The following CD36 variants were observed in gnomAD, a reference collection of about 807,000 sequenced individuals.
CD36 encodes CD36 molecule (CD36 blood group).
A neutral mutation model predicts 55.2 loss-of-function variants in CD36; 119 were observed. That is an observed-to-expected ratio of 2.15 (90% confidence interval 1.86 to 2.51). The LOEUF is 2.51. Ranked by LOEUF, CD36 falls within the 30% of genes most tolerant of loss-of-function variation. The pLI is 0.00. For synonymous variants in CD36, 186 were observed against 193.6 expected (o/e 0.96, Z 0.33); for missense variants, 819 against 555.5 (o/e 1.47, Z -4.77).
Position 80,674,101 on chromosome 7 carries a change from C to T in CD36, c.1373C>T (p.Ala458Val), listed in dbSNP as rs866158583. The T allele has an allele frequency of 6.2e-7, 1 of 1,611,966 alleles. No homozygotes were observed. The highest frequency in any genetic ancestry group is 2.2e-5 in the East Asian group (1 of 44,724). ...LLSVGVVMFV[A>V]FMISYCACRS... The stretch of plus-strand genomic sequence containing the variant: ...AGTGTTGGTGTGGTGATGTTTGTTG[C>T]TTTTATGATTTCATATTGTGCATGC... Residue 458 changes from alanine to valine, a missense_variant, in exon 14 of 15, where the codon GCT (alanine) becomes GTT (valine). By Grantham distance (64) the Ala-to-Val change is moderately conservative. Coordinates refer to ENST00000447544, the MANE Select transcript of CD36 (RefSeq NM_001001548.3).
chr7:80,629,942 T>A (rs1793980410), intron 1 of CD36, among the ~76,000 whole-genome samples: 1 of 151,744 alleles, frequency 6.6e-6, no homozygotes, highest in African/African-American at 2.4e-5. Flanking sequence ...TCTAGGTAAT[T>A]AATTTGCATC....
At chr7:80,619,287 T>C (rs952075272) in intron 1 of CD36, among the ~76,000 whole-genome samples, 1 of 152,216 alleles carries the variant, frequency 6.6e-6, no homozygotes. Flanking sequence ...CAGCTGGTCA[T>C]CTGAGAGCTT....
At position 80,672,004 on chromosome 7, in the gene CD36, T is replaced by C. The variant is rs2116872430; in HGVS notation, c.1089T>C (p.Asn363=). The C allele has an allele frequency of 6.2e-7, 1 of 1,608,850 alleles. No individual in the cohort carries two copies. The highest frequency in any genetic ancestry group is 2.2e-5 in the East Asian group (1 of 44,656). ...VSEPIDGLNP[N]EEEHRTYLDI... ...AACCTATTGATGGATTAAACCCAAATGAAGAAGAACATAGGACATACTTGG... is the reference window on the plus strand; with the variant it reads ...AACCTATTGATGGATTAAACCCAAACGAAGAAGAACATAGGACATACTTGG... The change falls in exon 11 of 15, where the codon AAT becomes AAC. Residue 363 remains asparagine (N), a synonymous_variant. Transcript: ENST00000447544.
chr7:80,614,785 C>T (rs1793057860), intron 1 of CD36, among the ~76,000 whole-genome samples: 1 of 152,058 alleles, frequency 6.6e-6, no homozygotes, highest in Non-Finnish European at 1.5e-5. Flanking sequence ...ACTGTGGGTG[C>T]CCTTGTTATT....
intron 1 of CD36, among the ~76,000 whole-genome samples, chr7:80,610,399 C>T (rs1172542656): frequency 6.6e-6 from 1 of 151,914 alleles, no homozygotes; most frequent in African/African-American, 2.4e-5. Context: ...ATTTAGCTTC[C>T]TAATATTATG....
chr7:80,623,393 T>C (rs907711620), intron 1 of CD36, among the ~76,000 whole-genome samples: 5 of 152,232 alleles, frequency 3.3e-5, no homozygotes, highest in Non-Finnish European at 7.3e-5. Context: ...GTGATAAATA[T>C]TAATTCAGTA....
intron 7 of CD36, 97 bp from the exon 8 acceptor site, chr7:80,666,346 C>G: frequency 1.2e-6 from 1 of 800,668 alleles, no homozygotes; most frequent in Admixed American, 1.9e-5. Context: ...TTAAATGCAT[C>G]ATATTAACAG....
chr7:80,617,220 G>C (rs1441732610), intron 1 of CD36, among the ~76,000 whole-genome samples: 1 of 151,994 alleles, frequency 6.6e-6, no homozygotes. Flanking sequence ...CAACACACAT[G>C]GGGGCCTTTC....
chr7:80,656,424 A>G lies in CD36; in HGVS notation c.121-116A>G, dbSNP rs931576781. Reference sequence around the variant, plus strand: ...GGTAAGGTTGCAAAGGTTCTCATGAATGAGGTACTTGGGCTTGGTCCTTTT... The same window carrying G: ...GGTAAGGTTGCAAAGGTTCTCATGAGTGAGGTACTTGGGCTTGGTCCTTTT... On this transcript the variant is annotated intron_variant, in intron 3 of 14. Coordinates refer to ENST00000447544, the MANE Select transcript of CD36 (RefSeq NM_001001548.3). 54 of 811,848 alleles carry G rather than the reference A, an allele frequency of 6.7e-5. No homozygotes were observed. The Admixed American group carries it at 1.1e-3, about 17-fold the overall frequency. 50.3% of individuals were successfully genotyped at this position (811,848 alleles called of 1,614,324 possible).
At chr7:80,606,265 G>A (rs1234400435) in intron 1 of CD36, among the ~76,000 whole-genome samples, 2 of 151,356 alleles carry the variant, frequency 1.3e-5, no homozygotes, top group Non-Finnish European at 2.9e-5. Flanking sequence ...ATAATACGTA[G>A]ATCTGTGCAA....
intron 9 of CD36, 41 bp downstream of exon 9, chr7:80,670,063 C>T (rs773664438): frequency 7.3e-6 from 9 of 1,237,586 alleles, no homozygotes; most frequent in Non-Finnish European, 1.1e-5. Context: ...TGAGTCAGAC[C>T]CCAGGTGACA....
chr7:80,612,170 T>A (rs1357295403), intron 1 of CD36, among the ~76,000 whole-genome samples: 1 of 152,220 alleles, frequency 6.6e-6, no homozygotes, highest in African/African-American at 2.4e-5. Context: ...CAATTTCCAC[T>A]ACTTTGATGA....
At chr7:80,606,617 T>C (rs1182602827) in intron 1 of CD36, among the ~76,000 whole-genome samples, 2 of 152,186 alleles carry the variant, frequency 1.3e-5, no homozygotes, top group Non-Finnish European at 2.9e-5. Flanking sequence ...CTTTGCCGCA[T>C]GTACTGAGTT....
At chr7:80,612,295 A>T (rs1792916432) in intron 1 of CD36, among the ~76,000 whole-genome samples, 1 of 152,208 alleles carries the variant, frequency 6.6e-6, no homozygotes, top group Non-Finnish European at 1.5e-5. Context: ...GAAAAATCAC[A>T]GGAGATCAGT....
intron 1 of CD36, among the ~76,000 whole-genome samples, chr7:80,631,054 C>T (rs532623894): frequency 1.3e-5 from 2 of 152,070 alleles, no homozygotes; most frequent in African/African-American, 2.4e-5. Flanking sequence ...ACATCGTGTC[C>T]GAGAAGTCTC....
intron 1 of CD36, among the ~76,000 whole-genome samples, chr7:80,604,358 T>A: frequency 1.5e-5 from 1 of 67,190 alleles, no homozygotes; most frequent in Admixed American, 1.4e-4. Flanking sequence ...GAATTTTTTT[T>A]TTTTTTTTTT....
At position 80,664,315 on chromosome 7, in the gene CD36, A is replaced by G. The variant is rs2116716780; in HGVS notation, c.610-91A>G. The G allele has an allele frequency of 2.1e-5, 16 of 761,136 alleles. No homozygotes were observed. The South Asian group carries it at 2.2e-4, about 11-fold the overall frequency. 47.1% of individuals were successfully genotyped at this position (761,136 alleles called of 1,614,324 possible). A position where few individuals can be genotyped will look rare whatever the true frequency, so the allele number is the denominator to read the frequency against. On this transcript the variant is annotated intron_variant, in intron 6 of 14. Coordinates refer to ENST00000447544, the MANE Select transcript of CD36 (RefSeq NM_001001548.3). ...TGTATTTCAAGTCATTTGAGTAACC[A>G]GTGATTGAGAAATGTGAAAGTGAGT...
intron 5 of CD36, 127 bp from the exon 6 acceptor site, chr7:80,662,863 T>A (rs1174988338): frequency 1.3e-6 from 1 of 767,576 alleles, no homozygotes; most frequent in Non-Finnish European, 2.2e-6. Context: ...TTTGGCAGGA[T>A]CTGGCAGTAA....
chr7:80,643,887 T>C (rs1051708460), intron 1 of CD36, among the ~76,000 whole-genome samples: 11 of 152,172 alleles, frequency 7.2e-5, no homozygotes, highest in Non-Finnish European at 1.6e-4. Context: ...TATATTTTAA[T>C]TGCTTCGTTA....
Sources: gnomAD v4.1 joint callset for allele counts (sites outside exome capture counted in the v4.1 genomes callset) on GRCh38, gnomAD v4.1.1 for gene constraint, MANE v1.5 for transcripts, NCBI Gene and HGNC (gene_info 2026-07-23, HGNC 2026-07-21) for gene names.